Variants in RASGEF1A observed in about 807,000 individuals in gnomAD.
RASGEF1A encodes the protein ras-GEF domain-containing family member 1A.
RASGEF1A carries 18 observed loss-of-function variants against 56.4 expected under a neutral mutation model. The observed-to-expected ratio is 0.32, with a 90% CI of 0.22 to 0.47. RASGEF1A has a LOEUF of 0.47. Among genes scored for constraint, RASGEF1A ranks in the 20% least tolerant of loss-of-function variants. The pLI is 1.00. For synonymous variants in RASGEF1A, 245 were observed against 242.6 expected (o/e 1.01, Z -0.09); for missense variants, 422 against 627.1 (o/e 0.67, Z 3.49).
intron 1 of RASGEF1A, among the ~76,000 whole-genome samples, chr10:43,215,500 G>A (rs1212493208): frequency 1.3e-5 from 2 of 152,232 alleles, no homozygotes; most frequent in African/African-American, 2.4e-5. Context: ...CTCAGGAGGG[G>A]AGAGACCTGC....
At chr10:43,260,705 G>A (rs575082125) in intron 1 of RASGEF1A, among the ~76,000 whole-genome samples, 17 of 152,020 alleles carry the variant, frequency 1.1e-4, no homozygotes, top group Admixed American at 5.9e-4. Flanking sequence ...GCACCTGGGT[G>A]TGGACTTCTC....
chr10:43,210,868 G>C lies in RASGEF1A; in HGVS notation c.-6-4746C>G, dbSNP rs12243574. ...AGAGCAGCAGCCCCTTGCAGGGAGT[G>C]GGGGACAGGCTTGCACCCAGTAGCC... On this transcript the variant is annotated intron_variant, in intron 1 of 12. Coordinates refer to ENST00000395810, the MANE Select transcript of RASGEF1A (RefSeq NM_145313.4). 4.1e-3 allele frequency among the ~76,000 whole-genome samples: 298 copies of C among 72,500 alleles called. 3 individuals carry two copies. In the Middle Eastern group the frequency reaches 0.051, roughly 12 times the overall value. The allele number at this position is 72,500 out of a possible 152,430, so 47.6% of individuals were successfully genotyped here.
intron 1 of RASGEF1A, among the ~76,000 whole-genome samples, chr10:43,223,349 T>G (rs1161649924): frequency 6.6e-6 from 1 of 152,160 alleles, no homozygotes; most frequent in Non-Finnish European, 1.5e-5. Flanking sequence ...AATATATAAC[T>G]GATAAACAAA....
chr10:43,264,074 C>T (rs1412464505), intron 1 of RASGEF1A, among the ~76,000 whole-genome samples: 1 of 152,090 alleles, frequency 6.6e-6, no homozygotes, highest in African/African-American at 2.4e-5. Flanking sequence ...AGGCCAGGAC[C>T]CCGAGGGGCT....
Position 43,254,534 on chromosome 10 carries a change from G to A in RASGEF1A, c.-7+12311C>T, listed in dbSNP as rs148485403. ...GGCTGCACCGCTAACCCCCGCCCCC[G>A]GACCTGGTCTACTGTTGCAGGGCCC... On this transcript the variant is annotated intron_variant, in intron 1 of 12. Transcript: ENST00000395810. 8.3e-4 allele frequency among the ~76,000 whole-genome samples: 126 copies of A among 152,300 alleles called. 1 individual carries two copies. Among genetic ancestry groups the A allele is most frequent in the Middle Eastern group, 3.4e-3 (1 of 294 alleles).
chr10:43,224,153 C>T (rs569514222), intron 1 of RASGEF1A, among the ~76,000 whole-genome samples: 68 of 152,074 alleles, frequency 4.5e-4, no homozygotes, highest in Non-Finnish European at 8.1e-4. Context: ...GAAATAGTTT[C>T]TAAAATGAAT....
At chr10:43,237,161 T>G (rs1217580992) in intron 1 of RASGEF1A, among the ~76,000 whole-genome samples, 1 of 151,446 alleles carries the variant, frequency 6.6e-6, no homozygotes, top group African/African-American at 2.4e-5. Context: ...CCTAGCCTTA[T>G]AGAGGATCTC....
At position 43,196,982 on chromosome 10, in the gene RASGEF1A, C is replaced by G; in HGVS notation, c.1342G>C (p.Glu448Gln). 6.2e-7 allele frequency: 1 copy of G among 1,613,438 alleles called. No individual in the cohort carries two copies. The highest frequency in any genetic ancestry group is 8.5e-7 in the Non-Finnish European group (1 of 1,179,974). Residue 448 changes from glutamate (E) to glutamine (Q), a missense_variant, in exon 11 of 13, where the codon GAG (glutamate) becomes CAG (glutamine). By Grantham distance (29) the Glu-to-Gln change is conservative. Around this residue, in one of 2 missense-constraint regions of RASGEF1A, gnomAD observed 149 missense variants for 287.2 expected, o/e 0.52. Transcript: ENST00000395810. This position sits in a 1 kb window ranked among gnomAD's most constrained non-coding sequence, Gnocchi z 4.6. ...GTTGGGAGGCAGCCCTCACCTTCCT[C>G]GCTGTAGATGGGCGCCGTGAGCAGG... ...SYLLTAPIYS[E>Q]EALFVASFES...
chr10:43,227,580 G>C (rs1404621445), intron 1 of RASGEF1A, among the ~76,000 whole-genome samples: 1 of 152,178 alleles, frequency 6.6e-6, no homozygotes, highest in Non-Finnish European at 1.5e-5. Flanking sequence ...GCCCAGGGCT[G>C]TACTGTCCTG....
intron 1 of RASGEF1A, among the ~76,000 whole-genome samples, chr10:43,238,367 A>T (rs561462704): frequency 1.3e-5 from 2 of 152,336 alleles, no homozygotes; most frequent in South Asian, 4.1e-4. Context: ...TAGCCATCGC[A>T]GATTGTCTGG....
At chr10:43,199,961 T>C (rs1472544060) in intron 6 of RASGEF1A, among the ~76,000 whole-genome samples, 193 bp from the exon 7 acceptor site, 2 of 152,226 alleles carry the variant, frequency 1.3e-5, no homozygotes, top group African/African-American at 4.8e-5. Flanking sequence ...CTGTGACCTC[T>C]CCCAGCATTC....
chr10:43,196,319 G>A lies in RASGEF1A; in HGVS notation c.1422-51C>T. 1.2e-6 allele frequency: 2 copies of A among 1,604,998 alleles called. No homozygotes were observed. Among genetic ancestry groups the A allele is most frequent in the Non-Finnish European group, 1.7e-6 (2 of 1,172,818 alleles). Reference sequence around the variant, plus strand: ...CTCAGGCCCGAGCAGGGCGGCTTGGGTCCAAGCCATCCTCAGCCTCCCACC... The same window carrying A: ...CTCAGGCCCGAGCAGGGCGGCTTGGATCCAAGCCATCCTCAGCCTCCCACC... On this transcript the variant is annotated intron_variant, in intron 12 of 12. Coordinates refer to ENST00000395810, the MANE Select transcript of RASGEF1A (RefSeq NM_145313.4). This position sits in a 1 kb window ranked among gnomAD's most constrained non-coding sequence, Gnocchi z 4.6.
intron 1 of RASGEF1A, among the ~76,000 whole-genome samples, chr10:43,225,396 T>C (rs1408657591): frequency 6.6e-6 from 1 of 151,472 alleles, no homozygotes; most frequent in Non-Finnish European, 1.5e-5. Context: ...TGTCTGTGTC[T>C]GTGTGTGTGC....
intron 1 of RASGEF1A, among the ~76,000 whole-genome samples, chr10:43,252,798 C>G (rs1840642044): frequency 6.6e-6 from 1 of 152,122 alleles, no homozygotes; most frequent in African/African-American, 2.4e-5. Context: ...TGCTGCACAC[C>G]CAGTGACTGG....
intron 1 of RASGEF1A, among the ~76,000 whole-genome samples, chr10:43,212,799 G>T (rs886963202): frequency 2.0e-5 from 3 of 152,224 alleles, no homozygotes; most frequent in African/African-American, 4.8e-5. Flanking sequence ...CAGGGGAGAG[G>T]CACTTTTAGG....
chr10:43,253,751 C>T (rs1021822080), intron 1 of RASGEF1A, among the ~76,000 whole-genome samples: 4 of 152,232 alleles, frequency 2.6e-5, no homozygotes, highest in East Asian at 1.9e-4. Context: ...CTGGAGCCTC[C>T]GAAGAGGCAG....
At chr10:43,200,325 T>G in intron 5 of RASGEF1A, 69 bp from the exon 6 acceptor site, 1 of 1,384,254 alleles carries the variant, frequency 7.2e-7, no homozygotes, top group Non-Finnish European at 1.0e-6. Flanking sequence ...TGCATAGGCA[T>G]GCGGACAGGG....
At chr10:43,231,921 G>A (rs1317570407) in intron 1 of RASGEF1A, among the ~76,000 whole-genome samples, 1 of 152,226 alleles carries the variant, frequency 6.6e-6, no homozygotes, top group South Asian at 2.1e-4. Flanking sequence ...CATCTGCCGG[G>A]ACTTCAGGGA....
At chr10:43,265,667 T>A (rs1836610387) in intron 1 of RASGEF1A, among the ~76,000 whole-genome samples, 1 of 152,228 alleles carries the variant, frequency 6.6e-6, no homozygotes. Flanking sequence ...CGTGTCAGTC[T>A]ACAGATGGGG....
Sources: allele counts gnomAD v4.1 joint callset (sites outside exome capture counted in the v4.1 genomes callset), GRCh38; gene constraint gnomAD v4.1.1; regional missense constraint gnomAD v4.1.1; non-coding constraint Gnocchi (gnomAD v3.1); transcripts MANE v1.5; gene names NCBI Gene and HGNC (gene_info 2026-07-23, HGNC 2026-07-21).